GZMM: variants seen among roughly 807,000 people sequenced by gnomAD.
GZMM encodes HU-Met-1.
A neutral mutation model predicts 19.2 loss-of-function variants in GZMM; 23 were observed. The ratio of observed to expected loss-of-function variants is 1.20; its 90% confidence interval spans 0.86 to 1.69. The LOEUF (loss-of-function observed/expected upper bound fraction) is 1.69. Ranked by LOEUF, GZMM falls within the 40% of genes most tolerant of loss-of-function variation. The probability of loss-of-function intolerance (pLI) is 0.00; values close to 1 mark genes in which losing one functional copy is unlikely to be tolerated. For synonymous variants in GZMM, 178 were observed against 160.2 expected, an observed-to-expected ratio of 1.11 and a Z score of -0.84; for missense variants, 373 against 352.2, an observed-to-expected ratio of 1.06 and a Z score of -0.47.
intron 1 of GZMM, 142 bp from the exon 2 acceptor site, chr19:547,137 TA>T: frequency 1.5e-6 from 1 of 684,672 alleles, no homozygotes; most frequent in Non-Finnish European, 2.2e-6. Flanking sequence ...CGTATCAGCC[TA>T]AAAGTTTCGG....
At chr19:544,480 G>C (rs973872246) in intron 1 of GZMM, among the ~76,000 whole-genome samples, 1 of 152,080 alleles carries the variant, frequency 6.6e-6, no homozygotes, top group African/African-American at 2.4e-5. Context: ...GCTGGGACTC[G>C]ATCCCCGCTG....
At chr19:546,397 CGGACGTGGTGA>C (rs1980282778) in intron 1 of GZMM, among the ~76,000 whole-genome samples, 1 of 151,592 alleles carries the variant, frequency 6.6e-6, no homozygotes. Flanking sequence ...AAAAATTAGC[CGGACGTGGTGA>C]TGCGCTTCTG....
chr19:545,435 C>T (rs1980239520), intron 1 of GZMM, among the ~76,000 whole-genome samples: 1 of 152,166 alleles, frequency 6.6e-6, no homozygotes, highest in South Asian at 2.1e-4. Context: ...GCAGCCTCCG[C>T]CTCCTGGTTT....
intron 1 of GZMM, 47 bp from the exon 2 acceptor site, chr19:547,232 GC>G: frequency 6.9e-7 from 1 of 1,449,158 alleles, no homozygotes. Context: ...GCAGCAGGCA[GC>G]AGGGGCATGT....
Position 549,094 on chromosome 19 carries a change from G to A in GZMM, c.521G>A (p.Arg174His), listed in dbSNP as rs201897461. The change falls in exon 4 of 5, where the codon CGC (arginine) becomes CAC (histidine). Residue 174 changes from arginine (R) to histidine (H), a missense_variant. Physicochemically the swap from Arg to His is conservative, Grantham distance 29. Transcript: ENST00000264553. ...CTGGACCTCCAAGTGCTGGACACCC[G>A]CATGTGTAACAACAGCCGCTTCTGG... Reference protein sequence around the residue: ...RELDLQVLDTRMCNNSRFWNG... With the variant: ...RELDLQVLDTHMCNNSRFWNG... The A allele has an allele frequency of 4.2e-5, 67 of 1,585,730 alleles. No homozygotes were observed. The African/African-American group carries it at 6.2e-4, about 15-fold the overall frequency.
At chr19:547,247 C>G in intron 1 of GZMM, 33 bp from the exon 2 acceptor site, 2 of 1,479,000 alleles carry the variant, frequency 1.4e-6, no homozygotes, top group Non-Finnish European at 1.8e-6. Flanking sequence ...GGCATGTAGC[C>G]CCAACCTGGC....
rs1443236068 is a variant in GZMM at position 549,727 on chromosome 19, C to T, written c.710C>T (p.Pro237Leu). The change falls in exon 5 of 5, where the codon CCC (proline) becomes CTC (leucine). Residue 237 changes from proline to leucine, a missense_variant. Pro to Leu is a moderately conservative substitution (Grantham distance 98). Coordinates refer to ENST00000264553, the MANE Select transcript of GZMM (RefSeq NM_005317.4). ...SRVCTDIFKP[P>L]VATAVAPYVS... is the part of the protein sequence containing the mutation. ...GTCTGCACTGACATCTTCAAGCCTC[C>T]CGTGGCCACCGCTGTGGCGCCTTAC... 1.2e-6 allele frequency: 2 copies of T among 1,613,776 alleles called. No homozygotes were observed. Among genetic ancestry groups the T allele is most frequent in the Admixed American group, 3.3e-5 (2 of 60,018 alleles).
chr19:548,501 G>A (rs753933057), intron 2 of GZMM, 41 bp from the exon 3 acceptor site: 84 of 1,603,648 alleles, frequency 5.2e-5, no homozygotes, highest in Non-Finnish European at 6.6e-5. Flanking sequence ...GGTCGTCCAC[G>A]CCGGGCCAGG....
In GZMM at chr19:548,527, T is replaced by G. The variant is rs1038442216; in HGVS notation, c.213-15T>G. 6.2e-7 allele frequency: 1 copy of G among 1,612,202 alleles called. No individual in the cohort carries two copies. The highest frequency in any genetic ancestry group is 1.7e-5 in the Admixed American group (1 of 59,950). On this transcript the variant is annotated splice_polypyrimidine_tract_variant and intron_variant, in intron 2 of 4. Transcript: ENST00000264553. ...CCGGGCCAGGCCGCAGCACCCTGAT[T>G]CCCTCTGTCCCCAGGATGGCCCAGC...
chr19:549,152 G>T lies in GZMM; in HGVS notation c.579G>T (p.Leu193=). The change falls in exon 4 of 5, where the codon CTG becomes CTT. Residue 193 remains leucine, a synonymous_variant. Transcript: ENST00000264553. ...GCCTCTCCCCCAGCATGGTCTGCCTGGCGGCCGACTCCAAGGACCAGGCTC... is the reference window on the plus strand; with the variant it reads ...GCCTCTCCCCCAGCATGGTCTGCCTTGCGGCCGACTCCAAGGACCAGGCTC... ...NGSLSPSMVC[L]AADSKDQAPC... is the part of the protein sequence containing the mutation. The T allele has an allele frequency of 6.3e-7, 1 of 1,578,380 alleles. No homozygotes were observed. The highest frequency in any genetic ancestry group is 2.3e-5 in the East Asian group (1 of 43,350).
rs572901883 is a variant in GZMM, at chr19:549,673, T to G, written c.656T>G (p.Leu219Trp). The part of the protein sequence containing the change: ...GPLVCGKGRV[L>W]ARVLSFSSRV... ...CTGGTGTGTGGCAAAGGCCGGGTGT[T>G]GGCCAGAGTCCTGTCCTTCAGCTCC... The change falls in exon 5 of 5, where the codon TTG becomes TGG. Residue 219 changes from leucine (L) to tryptophan (W), a missense_variant. Leu to Trp is a moderately conservative substitution (Grantham distance 61). Coordinates refer to ENST00000264553, the MANE Select transcript of GZMM (RefSeq NM_005317.4). 1 of 1,613,722 alleles carries G rather than the reference T, an allele frequency of 6.2e-7. No homozygotes were observed. Among genetic ancestry groups the G allele is most frequent in the South Asian group, 1.1e-5 (1 of 91,088 alleles).
chr19:545,089 T>C (rs12979041), intron 1 of GZMM, among the ~76,000 whole-genome samples: 21,324 of 103,228 alleles, frequency 0.21, 1,610 homozygotes, highest in African/African-American at 0.36. Context: ...CATCATCCAT[T>C]CCTCCTTCCA....
At position 549,859 on chromosome 19, in the gene GZMM, GTGGGTGAGGAC is replaced by G; in HGVS notation, c.*69_*79del. 1 of 1,044,736 alleles carries G rather than the reference GTGGGTGAGGAC, an allele frequency of 9.6e-7. No homozygotes were observed. The highest frequency in any genetic ancestry group is 1.4e-6 in the Non-Finnish European group (1 of 697,926). 64.7% of individuals were successfully genotyped at this position (1,044,736 alleles called of 1,614,324 possible). A position where few individuals can be genotyped will look rare whatever the true frequency, so the allele number is the denominator to read the frequency against. ...CCTTCCCCTCCAGGGGTGCAGTGGGGTGGGTGAGGACGGGTGGGAGGGACAGGGAGGGACCA... is the reference window on the plus strand; with the variant it reads ...CCTTCCCCTCCAGGGGTGCAGTGGGGGGGTGGGAGGGACAGGGAGGGACCA... On this transcript the variant is annotated 3_prime_UTR_variant, in exon 5 of 5. Coordinates refer to ENST00000264553, the MANE Select transcript of GZMM (RefSeq NM_005317.4).
At chr19:544,519 G>A (rs559810605) in intron 1 of GZMM, among the ~76,000 whole-genome samples, 1 of 152,240 alleles carries the variant, frequency 6.6e-6, no homozygotes, top group South Asian at 2.1e-4. Context: ...GGGCTTGGCT[G>A]GGACTAGGTG....
At position 549,249 on chromosome 19, in the gene GZMM, C is replaced by T. The variant is rs1054806113; in HGVS notation, c.612+64C>T. ...GCGGGAGGGCCGGGGCCAGGGCAGC[C>T]GCCGGGCAGGTTCCTGGCTCTCCCG... is the stretch of plus-strand genomic sequence containing the variant. On this transcript the variant is annotated intron_variant, in intron 4 of 4. Transcript: ENST00000264553. 1.7e-4 allele frequency: 251 copies of T among 1,464,194 alleles called. 1 individual carries two copies. The highest frequency in any genetic ancestry group is 2.4e-4 in the Admixed American group (11 of 45,764). The allele number at this position is 1,464,194 out of a possible 1,614,324, so 90.7% of individuals were successfully genotyped here.
At chr19:548,164 G>A (rs1224599441) in intron 2 of GZMM, among the ~76,000 whole-genome samples, 2 of 152,218 alleles carry the variant, frequency 1.3e-5, no homozygotes, top group Admixed American at 6.5e-5. Flanking sequence ...GCTCTCTAAA[G>A]TTGGGGCACA....
In GZMM at chr19:544,107, C is replaced by A. The variant is rs773215321; in HGVS notation, c.36C>A (p.Ala12=). Residue 12 remains alanine, a synonymous_variant, in exon 1 of 5, where the codon GCC becomes GCA. Coordinates refer to ENST00000264553, the MANE Select transcript of GZMM (RefSeq NM_005317.4). ...GCGTGTCTTCACTGCTGGTGCTGGC[C>A]CTGGGGGCCCTGTCAGTAGGTGAGT... is the stretch of plus-strand genomic sequence containing the variant. The part of the protein sequence containing the change: ...EACVSSLLVL[A]LGALSVGSSF... 25 of 1,544,992 alleles carry A rather than the reference C, an allele frequency of 1.6e-5. No individual in the cohort carries two copies. The highest frequency in any genetic ancestry group is 2.0e-5 in the Non-Finnish European group (23 of 1,142,734).
rs530023147 is a variant in GZMM, at chr19:545,250, TG to T, written c.55+1130del. ...GAAACACGGAGGGCAAGAGGGCGGG[TG>T]GGGGGCCGTTGCAGGAGACGAGCAT... On this transcript the variant is annotated intron_variant, in intron 1 of 4. Transcript: ENST00000264553. Among the ~76,000 whole-genome samples the T allele has an allele frequency of 5.5e-3, 818 of 147,532 alleles. 6 individuals carry two copies. Among genetic ancestry groups the T allele is most frequent in the Non-Finnish European group, 7.5e-3 (499 of 66,726 alleles).
chr19:544,361 C>T (rs140772033), intron 1 of GZMM, among the ~76,000 whole-genome samples: 174 of 152,264 alleles, frequency 1.1e-3, no homozygotes, highest in African/African-American at 3.6e-3. Flanking sequence ...CCCATCCTCC[C>T]GGCAGCAGCC....
Sources: gnomAD v4.1 joint callset for allele counts (sites outside exome capture counted in the v4.1 genomes callset) on GRCh38, gnomAD v4.1.1 for gene constraint, MANE v1.5 for transcripts, NCBI Gene and HGNC (gene_info 2026-07-23, HGNC 2026-07-21) for gene names.